CDK6: variants seen among roughly 807,000 people sequenced by gnomAD.
CDK6 encodes the protein cyclin-dependent kinase 6.
In CDK6, 6 loss-of-function variants were observed where a neutral mutation model predicts 37.1. That is an observed-to-expected ratio of 0.16 (90% CI 0.09 to 0.32). The LOEUF (loss-of-function observed/expected upper bound fraction) is 0.32, where lower values mean the gene tolerates loss of function less well. Among genes scored for constraint, CDK6 ranks in the 10% least tolerant of loss-of-function variants. The pLI is 1.00. For synonymous variants in CDK6, 160 were observed against 161.3 expected (o/e 0.99, Z 0.06); for missense variants, 224 against 418.9 (o/e 0.53, Z 4.06).
chr7:92,669,052 C>T (rs1362353786), intron 5 of CDK6, among the ~76,000 whole-genome samples: 2 of 152,236 alleles, frequency 1.3e-5, no homozygotes, highest in East Asian at 3.8e-4. Flanking sequence ...CTGAAGCAGA[C>T]TGCTGCCACT....
chr7:92,626,932 T>C (rs151250045), intron 5 of CDK6, among the ~76,000 whole-genome samples: 2,741 of 152,096 alleles, frequency 0.018, 40 homozygotes, highest in Middle Eastern at 0.058. Context: ...GAATGAATAA[T>C]ATGCAAAAAA....
rs3731373 is a variant in CDK6 at position 92,618,225 on chromosome 7, A to G, written c.699-18T>C. Reference sequence around the variant, plus strand: ...CAATCACGCTACAAAAGAACCACACATGGACATAAGCATTAGCTACTATGC... The same window carrying G: ...CAATCACGCTACAAAAGAACCACACGTGGACATAAGCATTAGCTACTATGC... On this transcript the variant is annotated intron_variant, in intron 6 of 7. Transcript: ENST00000424848. The G allele has an allele frequency of 0.051, 82,874 of 1,613,104 alleles. 2,337 individuals carry two copies. Among genetic ancestry groups the G allele is most frequent in the Middle Eastern group, 0.059 (346 of 5,914 alleles).
intron 2 of CDK6, among the ~76,000 whole-genome samples, chr7:92,813,884 G>GA (rs1305836212): frequency 6.6e-6 from 1 of 151,490 alleles, no homozygotes; most frequent in Non-Finnish European, 1.5e-5. Flanking sequence ...GACTTCATAG[G>GA]AAAAAAAAGT....
At chr7:92,819,897 G>A (rs941705831) in intron 2 of CDK6, among the ~76,000 whole-genome samples, 1 of 151,790 alleles carries the variant, frequency 6.6e-6, no homozygotes, top group African/African-American at 2.4e-5. Context: ...TAAAAGAAGA[G>A]ACACAGAGAT....
chr7:92,699,254 G>A (rs1797789659), intron 4 of CDK6, among the ~76,000 whole-genome samples: 1 of 152,148 alleles, frequency 6.6e-6, no homozygotes, highest in South Asian at 2.1e-4. Context: ...CATGAAAAGT[G>A]GCCAGGAGTT....
chr7:92,616,158 A>G (rs1197317041), intron 7 of CDK6, among the ~76,000 whole-genome samples: 1 of 152,146 alleles, frequency 6.6e-6, no homozygotes, highest in Non-Finnish European at 1.5e-5. Context: ...TGAACTGGGT[A>G]TATGAAATGT....
chr7:92,685,971 T>C (rs1055431683), intron 4 of CDK6, among the ~76,000 whole-genome samples: 7 of 152,342 alleles, frequency 4.6e-5, no homozygotes, highest in South Asian at 4.1e-4. Flanking sequence ...TCTCCTTTGT[T>C]TGACTAACTG....
At chr7:92,636,024 A>T (rs967740872) in intron 5 of CDK6, among the ~76,000 whole-genome samples, 5 of 152,014 alleles carry the variant, frequency 3.3e-5, no homozygotes, top group East Asian at 1.9e-4. Flanking sequence ...TAGCACATTT[A>T]AAAAAAAGTT....
intron 3 of CDK6, among the ~76,000 whole-genome samples, chr7:92,738,948 T>C (rs2115620811): frequency 6.6e-6 from 1 of 152,266 alleles, no homozygotes; most frequent in Non-Finnish European, 1.5e-5. Flanking sequence ...CCACTTTTTC[T>C]TATACTGGTC....
rs1175195840 is a variant in CDK6, at chr7:92,672,184, G to GACACACACACACAC, written c.538-650_538-649insGTGTGTGTGTGTGT. ...ATACACATACACACACACACACACA[G>GACACACACACACAC]ACACATACACACACACACACACACA... On this transcript the variant is annotated intron_variant, in intron 4 of 7. Coordinates refer to ENST00000424848, the MANE Select transcript of CDK6 (RefSeq NM_001145306.2). Among the ~76,000 whole-genome samples, 137 of 44,118 alleles carry GACACACACACACAC rather than the reference G, an allele frequency of 3.1e-3. 14 individuals carry two copies. The highest frequency in any genetic ancestry group is 3.2e-3 in the Non-Finnish European group (88 of 27,256). 28.9% of individuals were successfully genotyped at this position (44,118 alleles called of 152,430 possible). A position where few individuals can be genotyped will look rare whatever the true frequency, so the allele number is the denominator to read the frequency against.
intron 4 of CDK6, among the ~76,000 whole-genome samples, chr7:92,687,909 C>T (rs1026742543): frequency 1.3e-5 from 2 of 152,130 alleles, no homozygotes; most frequent in Non-Finnish European, 2.9e-5. Context: ...GCTTCTTTTG[C>T]TCAAGATAAT....
chr7:92,739,006 C>A (rs1280370900), intron 3 of CDK6, among the ~76,000 whole-genome samples: 1 of 152,146 alleles, frequency 6.6e-6, no homozygotes, highest in Non-Finnish European at 1.5e-5. Flanking sequence ...ACAATTAGGA[C>A]TGCTGAGAGA....
chr7:92,731,246 C>T (rs572567265), intron 3 of CDK6, among the ~76,000 whole-genome samples: 20 of 152,366 alleles, frequency 1.3e-4, no homozygotes, highest in African/African-American at 4.8e-4. Flanking sequence ...GTCTCCCCTA[C>T]TTCTCACTGT....
At chr7:92,781,306 A>C (rs950432290) in intron 2 of CDK6, among the ~76,000 whole-genome samples, 4 of 152,256 alleles carry the variant, frequency 2.6e-5, no homozygotes, top group African/African-American at 7.2e-5. Context: ...CAAGGCTTGC[A>C]GTCCAGCACA....
In CDK6 at chr7:92,644,149, G is replaced by A. The variant is rs886328877; in HGVS notation, c.648-21063C>T. ...AAGGCTTTTGAAACAGCACTGGTGA[G>A]TCCTGACCTACCTTCTTCAAATTTC... is the stretch of plus-strand genomic sequence containing the variant. On this transcript the variant is annotated intron_variant, in intron 5 of 7. Coordinates refer to ENST00000424848, the MANE Select transcript of CDK6 (RefSeq NM_001145306.2). 2.0e-5 allele frequency among the ~76,000 whole-genome samples: 3 copies of A among 152,204 alleles called. 1 individual carries two copies. Among genetic ancestry groups the A allele is most frequent in the Non-Finnish European group, 4.4e-5 (3 of 68,034 alleles).
chr7:92,680,293 A>T (rs1464237255), intron 4 of CDK6, among the ~76,000 whole-genome samples: 1 of 151,064 alleles, frequency 6.6e-6, no homozygotes, highest in African/African-American at 2.4e-5. Flanking sequence ...TTAGTCGGGC[A>T]TGGTGGTGCA....
intron 5 of CDK6, among the ~76,000 whole-genome samples, chr7:92,626,262 G>A (rs1405386231): frequency 6.6e-6 from 1 of 151,898 alleles, no homozygotes; most frequent in Non-Finnish European, 1.5e-5. Flanking sequence ...TAATTATAAT[G>A]TATGTAATAT....
chr7:92,784,000 T>C (rs1040231790), intron 2 of CDK6, among the ~76,000 whole-genome samples: 3 of 152,168 alleles, frequency 2.0e-5, no homozygotes, highest in Non-Finnish European at 1.5e-5. Flanking sequence ...AAACTGCTAA[T>C]GCATTTTATC....
chr7:92,768,092 G>A (rs1456363664), intron 3 of CDK6, among the ~76,000 whole-genome samples: 1 of 152,158 alleles, frequency 6.6e-6, no homozygotes, highest in East Asian at 1.9e-4. Context: ...TGGGACTCAG[G>A]TTGGAGAGAG....
Sources: allele counts gnomAD v4.1 joint callset (sites outside exome capture counted in the v4.1 genomes callset), GRCh38; gene constraint gnomAD v4.1.1; transcripts MANE v1.5; gene names NCBI Gene and HGNC (gene_info 2026-07-23, HGNC 2026-07-21).